UTRN: variants seen among roughly 807,000 people sequenced by gnomAD.
The protein encoded by UTRN is utrophin.
Under a neutral mutation model 463.9 loss-of-function variants are expected in UTRN, and 283 were observed. The ratio of observed to expected loss-of-function variants is 0.61; its 90% CI spans 0.55 to 0.67. The LOEUF (loss-of-function observed/expected upper bound fraction) is 0.67. Ranked by LOEUF, UTRN falls within the 30% of genes least tolerant of loss-of-function variation. The probability of loss-of-function intolerance (pLI) is 0.00; values close to 1 mark genes in which losing one functional copy is unlikely to be tolerated. For missense variants in UTRN, 3,922 were observed against 4,084.3 expected (o/e 0.96, Z 1.08); for synonymous variants, 1,442 against 1,431.5 (o/e 1.01, Z -0.17).
rs142409393 is a variant in UTRN at position 144,533,217 on chromosome 6, C to T, written c.6190C>T (p.Arg2064Cys). The T allele has an allele frequency of 2.1e-4, 339 of 1,614,064 alleles. No individual in the cohort carries two copies. The highest frequency in any genetic ancestry group is 1.7e-4 in the Non-Finnish European group (201 of 1,179,962). ...LKEKLAGLNQ[R>C]WDAIVAEVKD... ...AGAAAAACTGGCAGGTTTAAACCAACGCTGGGATGCAATTGTTGCAGAAGT... is the reference window on the plus strand; with the variant it reads ...AGAAAAACTGGCAGGTTTAAACCAATGCTGGGATGCAATTGTTGCAGAAGT... Residue 2064 changes from arginine (R) to cysteine (C), a missense_variant, in exon 43 of 75, where the codon CGC (arginine) becomes TGC (cysteine). Physicochemically the swap from Arg to Cys is radical, Grantham distance 180. Transcript: ENST00000367545.
chr6:144,409,939 T>A (rs1472663969), intron 3 of UTRN, among the ~76,000 whole-genome samples: 1 of 152,178 alleles, frequency 6.6e-6, no homozygotes, highest in Non-Finnish European at 1.5e-5. Context: ...GGACAGAATT[T>A]CACACAAATA....
intron 51 of UTRN, among the ~76,000 whole-genome samples, chr6:144,639,273 C>T (rs1474683928): frequency 6.6e-6 from 1 of 152,098 alleles, no homozygotes; most frequent in African/African-American, 2.4e-5. Context: ...TTGTCATATA[C>T]TCTTAATTTT....
chr6:144,769,253 T>C (rs1364111182), intron 58 of UTRN, among the ~76,000 whole-genome samples: 1 of 152,032 alleles, frequency 6.6e-6, no homozygotes, highest in Non-Finnish European at 1.5e-5. Context: ...TTGGGTTCAT[T>C]GTGGATTTTG....
At chr6:144,430,082 A>G (rs9496970) in intron 9 of UTRN, among the ~76,000 whole-genome samples, 1 of 152,024 alleles carries the variant, frequency 6.6e-6, no homozygotes. Context: ...GGTTTTTCTC[A>G]TATCAGCCTA....
At chr6:144,334,788 C>G (rs1776599632) in intron 2 of UTRN, among the ~76,000 whole-genome samples, 1 of 152,186 alleles carries the variant, frequency 6.6e-6, no homozygotes, top group African/African-American at 2.4e-5. Flanking sequence ...GAAGGAACGG[C>G]TCAATAGCTG....
intron 34 of UTRN, among the ~76,000 whole-genome samples, chr6:144,505,094 T>A (rs973466849): frequency 2.6e-5 from 4 of 152,212 alleles, no homozygotes; most frequent in Non-Finnish European, 5.9e-5. Flanking sequence ...TTCTGTGGGA[T>A]CATTGGTGAT....
intron 51 of UTRN, among the ~76,000 whole-genome samples, chr6:144,606,099 C>T (rs1243391365): frequency 6.6e-6 from 1 of 152,000 alleles, no homozygotes; most frequent in Non-Finnish European, 1.5e-5. Context: ...ACCTTGTCGA[C>T]CTGAAATGTG....
At chr6:144,289,283 T>C (rs996375303) in intron 1 of UTRN, among the ~76,000 whole-genome samples, 8 of 152,222 alleles carry the variant, frequency 5.3e-5, no homozygotes, top group Admixed American at 5.2e-4. Context: ...TTTTGCACAT[T>C]GGATATGAAT....
Position 144,482,411 on chromosome 6 carries a change from GTTATTA to G in UTRN, c.3687+50_3687+55del, listed in dbSNP as rs113874319. On this transcript the variant is annotated intron_variant, in intron 27 of 74. Transcript: ENST00000367545. ...GAGGTATGCTATTATTATTATTGTT[GTTATTA>G]TTATTATTATTATTATTATTATTAT... 3.7e-3 allele frequency: 3,724 copies of G among 1,002,310 alleles called. 13 individuals are homozygous for G. Among genetic ancestry groups the G allele is most frequent in the Non-Finnish European group, 3.9e-3 (2,986 of 769,862 alleles). 62.1% of individuals were successfully genotyped at this position (1,002,310 alleles called of 1,614,324 possible).
chr6:144,478,176 A>G (rs986351138), intron 25 of UTRN, among the ~76,000 whole-genome samples: 8 of 152,232 alleles, frequency 5.3e-5, no homozygotes, highest in Non-Finnish European at 1.0e-4. Flanking sequence ...AAGATAGTCT[A>G]TTTCATCTAT....
At chr6:144,532,387 G>A (rs565784677) in intron 42 of UTRN, among the ~76,000 whole-genome samples, 5 of 152,310 alleles carry the variant, frequency 3.3e-5, no homozygotes, top group African/African-American at 1.2e-4. Context: ...TCCAGTCATG[G>A]TGGAAGGGGA....
intron 28 of UTRN, among the ~76,000 whole-genome samples, chr6:144,486,810 G>A (rs1210596695): frequency 6.6e-6 from 1 of 152,068 alleles, no homozygotes; most frequent in African/African-American, 2.4e-5. Flanking sequence ...GTGAGCCATC[G>A]CACTTGGCCA....
chr6:144,825,028 C>T (rs1780055180), intron 66 of UTRN, among the ~76,000 whole-genome samples: 1 of 151,982 alleles, frequency 6.6e-6, no homozygotes, highest in African/African-American at 2.4e-5. Context: ...AAGTGATCCT[C>T]CCGCCTCAGC....
intron 2 of UTRN, among the ~76,000 whole-genome samples, chr6:144,379,933 A>C (rs1448426938): frequency 6.6e-6 from 1 of 152,198 alleles, no homozygotes; most frequent in Non-Finnish European, 1.5e-5. Flanking sequence ...GAGAAGGAAG[A>C]AATGGAATCT....
intron 65 of UTRN, among the ~76,000 whole-genome samples, chr6:144,819,912 C>G (rs1779434704): frequency 3.7e-5 from 2 of 54,040 alleles, no homozygotes; most frequent in Admixed American, 3.5e-4. Context: ...CCTCCTCCTC[C>G]TCTCTCTCTC....
chr6:144,650,296 C>T (rs1363896827), intron 51 of UTRN, among the ~76,000 whole-genome samples: 1 of 152,086 alleles, frequency 6.6e-6, no homozygotes, highest in East Asian at 1.9e-4. Context: ...TTGGGTGGGA[C>T]ACAGCCAAAC....
At chr6:144,663,798 C>T (rs563392050) in intron 51 of UTRN, among the ~76,000 whole-genome samples, 36 of 152,320 alleles carry the variant, frequency 2.4e-4, no homozygotes, top group Non-Finnish European at 4.1e-4. Flanking sequence ...CCTCCTTTCA[C>T]ATGACTCTAT....
chr6:144,438,738 C>T lies in UTRN; in HGVS notation c.1242-7C>T, dbSNP rs368661808. The stretch of plus-strand genomic sequence containing the variant: ...TGTAGGAATAATGCTGTGTTCCCCA[C>T]GGACAGGCTGCACGATGTGCTGATG... On this transcript the variant is annotated splice_region_variant and splice_polypyrimidine_tract_variant and intron_variant, in intron 11 of 74. Coordinates refer to ENST00000367545, the MANE Select transcript of UTRN (RefSeq NM_007124.3). The T allele has an allele frequency of 8.1e-5, 130 of 1,613,944 alleles. No individual in the cohort carries two copies. The highest frequency in any genetic ancestry group is 1.0e-4 in the Non-Finnish European group (120 of 1,179,998).
At chr6:144,640,825 G>A (rs1157547136) in intron 51 of UTRN, among the ~76,000 whole-genome samples, 1 of 152,076 alleles carries the variant, frequency 6.6e-6, no homozygotes, top group East Asian at 1.9e-4. Context: ...TTTAATTTTT[G>A]TAGTTGAAAT....
Sources: gnomAD v4.1 joint callset for allele counts (sites outside exome capture counted in the v4.1 genomes callset) on GRCh38, gnomAD v4.1.1 for gene constraint, MANE v1.5 for transcripts, NCBI Gene and HGNC (gene_info 2026-07-23, HGNC 2026-07-21) for gene names.